The following CST7 variants were observed in gnomAD, a reference collection of about 807,000 sequenced individuals.
CST7 encodes cystatin-F.
Under a neutral mutation model 13.1 loss-of-function variants are expected in CST7, and 15 were observed. That is an observed-to-expected ratio of 1.14 (90% CI 0.77 to 1.76). CST7 has a LOEUF of 1.76. CST7 is among the 40% of genes most tolerant of loss of function. The pLI is 0.00. For missense variants in CST7, 193 were observed against 178.8 expected, an observed-to-expected ratio of 1.08 and a Z score of -0.45; for synonymous variants, 75 against 66.9, an observed-to-expected ratio of 1.12 and a Z score of -0.59.
At chr20:24,959,475 T>C (rs955952055) in intron 3 of CST7, among the ~76,000 whole-genome samples, 160 bp from the exon 4 acceptor site, 11 of 152,126 alleles carry the variant, frequency 7.2e-5, no homozygotes, top group African/African-American at 2.7e-4. Flanking sequence ...AAAAGCACAT[T>C]TTCTTAAATC....
chr20:24,958,644 G>A (rs1364902362), intron 2 of CST7, among the ~76,000 whole-genome samples: 1 of 152,198 alleles, frequency 6.6e-6, no homozygotes, highest in African/African-American at 2.4e-5. Context: ...GGGCCCAGCA[G>A]GGCATGCAGG....
chr20:24,949,469 C>A lies in CST7; in HGVS notation c.-37C>A, dbSNP rs764589940. On this transcript the variant is annotated 5_prime_UTR_variant, in exon 1 of 4. Coordinates refer to ENST00000480798, the MANE Select transcript of CST7 (RefSeq NM_003650.4). The stretch of plus-strand genomic sequence containing the variant: ...TGCCTGAGAAGGCACTGCACGGCCA[C>A]CCCCAACTGCCCCGCACTGTCCCTA... The A allele has an allele frequency of 1.9e-6, 3 of 1,613,912 alleles. No homozygotes were observed. Among genetic ancestry groups the A allele is most frequent in the Admixed American group, 3.3e-5 (2 of 60,008 alleles).
intron 1 of CST7, among the ~76,000 whole-genome samples, chr20:24,954,716 G>A (rs962893064): frequency 6.6e-6 from 1 of 152,098 alleles, no homozygotes; most frequent in Non-Finnish European, 1.5e-5. Flanking sequence ...TAACCTTTTT[G>A]TAACTTTACC....
chr20:24,950,064 A>T (rs1463834798), intron 1 of CST7, among the ~76,000 whole-genome samples: 1 of 152,058 alleles, frequency 6.6e-6, no homozygotes, highest in South Asian at 2.1e-4. Context: ...ACTCAGGGGG[A>T]GGGGGGACAG....
chr20:24,953,804 T>C (rs1415166657), intron 1 of CST7, among the ~76,000 whole-genome samples: 9 of 152,186 alleles, frequency 5.9e-5, no homozygotes, highest in Non-Finnish European at 1.3e-4. Flanking sequence ...CCCCAGGCAT[T>C]GTTTCTATAC....
intron 1 of CST7, among the ~76,000 whole-genome samples, chr20:24,955,780 ATGTG>A (rs1477322659): frequency 6.6e-6 from 1 of 151,998 alleles, no homozygotes. Flanking sequence ...TTCAGGGGGG[ATGTG>A]TGTGACACTA....
intron 1 of CST7, among the ~76,000 whole-genome samples, chr20:24,956,907 G>A (rs1600962477): frequency 2.0e-5 from 3 of 149,332 alleles, no homozygotes; most frequent in Middle Eastern, 3.4e-3. Context: ...TTCTGAAAGT[G>A]GGGGACAGGT....
At chr20:24,957,256 G>A in intron 1 of CST7, 31 bp from the exon 2 acceptor site, 1 of 1,603,458 alleles carries the variant, frequency 6.2e-7, no homozygotes, top group Non-Finnish European at 8.5e-7. Context: ...ACTAACATCA[G>A]TGTTCTTGTC....
At chr20:24,953,051 A>G (rs1173446743) in intron 1 of CST7, among the ~76,000 whole-genome samples, 1 of 152,156 alleles carries the variant, frequency 6.6e-6, no homozygotes, top group East Asian at 1.9e-4. Context: ...GGGCATGCCC[A>G]GCAGCTGTCA....
chr20:24,956,565 G>A (rs1166168695), intron 1 of CST7, among the ~76,000 whole-genome samples: 5 of 152,152 alleles, frequency 3.3e-5, no homozygotes, highest in Admixed American at 6.5e-5. Context: ...CGACCCCAAC[G>A]AAGCTTGGGG....
At position 24,959,885 on chromosome 20, in the gene CST7, ACCT is replaced by A. The variant is rs377366823; in HGVS notation, c.*177_*179del. ...GCAGCTGGAATGGCAGCATGGTAGC[ACCT>A]CCTAACAGATTAAATAGATCACATT... On this transcript the variant is annotated 3_prime_UTR_variant, in exon 4 of 4. Transcript: ENST00000480798. The A allele has an allele frequency of 6.7e-3, 4,229 of 633,216 alleles. 116 individuals are homozygous for A. Among genetic ancestry groups the A allele is most frequent in the African/African-American group, 0.064 (3,559 of 55,208 alleles). The allele number at this position is 633,216 out of a possible 1,614,324, so 39.2% of individuals were successfully genotyped here. A position where few individuals can be genotyped will look rare whatever the true frequency, so the allele number is the denominator to read the frequency against.
chr20:24,951,922 T>C (rs1396194183), intron 1 of CST7, among the ~76,000 whole-genome samples: 1 of 152,236 alleles, frequency 6.6e-6, no homozygotes, highest in Non-Finnish European at 1.5e-5. Context: ...ACGGCCCATC[T>C]GCCTGGACAG....
chr20:24,957,508 G>A (rs775451749), intron 2 of CST7, 49 bp downstream of exon 2: 24 of 1,576,596 alleles, frequency 1.5e-5, no homozygotes, highest in Admixed American at 1.7e-5. Context: ...CTAGGAAGCC[G>A]AGCTGCTACA....
chr20:24,953,012 G>A (rs1313038775), intron 1 of CST7, among the ~76,000 whole-genome samples: 4 of 152,228 alleles, frequency 2.6e-5, no homozygotes, highest in Non-Finnish European at 4.4e-5. Context: ...CTGGGCCTAT[G>A]CTCTGAGGAC....
chr20:24,957,382 A>G lies in CST7; in HGVS notation c.166A>G (p.Ser56Gly). The G allele has an allele frequency of 6.2e-7, 1 of 1,613,818 alleles. No individual in the cohort carries two copies. Among genetic ancestry groups the G allele is most frequent in the Non-Finnish European group, 8.5e-7 (1 of 1,179,794 alleles). ...DPGVLQAARYSVEKFNNCTND... is the reference protein window; with the variant it reads ...DPGVLQAARYGVEKFNNCTND... Reference sequence around the variant, plus strand: ...AGGAGTCCTCCAAGCAGCCAGATACAGTGTTGAAAAGTTCAACAACTGCAC... The same window carrying G: ...AGGAGTCCTCCAAGCAGCCAGATACGGTGTTGAAAAGTTCAACAACTGCAC... Residue 56 changes from serine (S) to glycine (G), a missense_variant, in exon 2 of 4, where the codon AGT becomes GGT. Coordinates refer to ENST00000480798, the MANE Select transcript of CST7 (RefSeq NM_003650.4).
intron 1 of CST7, among the ~76,000 whole-genome samples, chr20:24,951,054 T>A (rs2087815830): frequency 6.6e-6 from 1 of 152,172 alleles, no homozygotes; most frequent in African/African-American, 2.4e-5. Context: ...GGAGCCGATG[T>A]GCTGGGCAGC....
chr20:24,954,873 T>C lies in CST7; in HGVS notation c.71-2414T>C, dbSNP rs557465012. ...ATTTTTTAAAAAAGTTAATAGTGGT[T>C]AGCTTTAAGATATTAAAAATAATTA... is the stretch of plus-strand genomic sequence containing the variant. On this transcript the variant is annotated intron_variant, in intron 1 of 3. Transcript: ENST00000480798. Among the ~76,000 whole-genome samples, 4 of 152,308 alleles carry C rather than the reference T, an allele frequency of 2.6e-5. No homozygotes were observed. The East Asian group carries it at 7.7e-4, about 29-fold the overall frequency.
intron 1 of CST7, 30 bp from the exon 2 acceptor site, chr20:24,957,257 T>C (rs1310834259): frequency 5.6e-6 from 9 of 1,603,388 alleles, no homozygotes; most frequent in East Asian, 2.2e-5. Context: ...CTAACATCAG[T>C]GTTCTTGTCT....
Position 24,951,712 on chromosome 20 carries a change from T to C in CST7, c.70+2137T>C, listed in dbSNP as rs879696886. ...AGCATCTGGCCTCTCTCCACACCCA[T>C]GCACTGAACTGCACAGACCATAGCG... On this transcript the variant is annotated intron_variant, in intron 1 of 3. Coordinates refer to ENST00000480798, the MANE Select transcript of CST7 (RefSeq NM_003650.4). Among the ~76,000 whole-genome samples the C allele has an allele frequency of 4.6e-5, 7 of 152,302 alleles. No individual in the cohort carries two copies. The East Asian group carries it at 7.7e-4, about 17-fold the overall frequency.
Sources: gnomAD v4.1 joint callset for allele counts (sites outside exome capture counted in the v4.1 genomes callset) on GRCh38, gnomAD v4.1.1 for gene constraint, MANE v1.5 for transcripts, NCBI Gene and HGNC (gene_info 2026-07-23, HGNC 2026-07-21) for gene names.